The following LMX1B variants were observed in gnomAD, a reference collection of about 807,000 sequenced individuals.
LMX1B encodes LIM homeobox transcription factor 1 beta, also known as LIM homeobox transcription factor 1-beta.
Under a neutral mutation model 51.4 loss-of-function variants are expected in LMX1B, and 12 were observed. The observed-to-expected ratio is 0.23, with a 90% CI of 0.15 to 0.38. LMX1B has a LOEUF of 0.38. LMX1B is among the 10% of genes least tolerant of loss of function. The probability of loss-of-function intolerance (pLI) is 1.00; values close to 1 mark genes in which losing one functional copy is unlikely to be tolerated. For missense variants in LMX1B, 445 were observed against 571.1 expected (o/e 0.78, Z 2.25); for synonymous variants, 237 against 235.4 (o/e 1.01, Z -0.06).
chr9:126,631,596 G>A (rs150918324), intron 2 of LMX1B, among the ~76,000 whole-genome samples: 31 of 152,256 alleles, frequency 2.0e-4, no homozygotes, highest in African/African-American at 7.2e-4. Flanking sequence ...ATAGGGGCGA[G>A]GGCAGAGCTG....
At chr9:126,622,622 A>G (rs975100392) in intron 2 of LMX1B, among the ~76,000 whole-genome samples, 1 of 152,176 alleles carries the variant, frequency 6.6e-6, no homozygotes, top group South Asian at 2.1e-4. Flanking sequence ...CCTGCCTTCC[A>G]AGGGGACTCT....
chr9:126,631,892 G>A (rs976115901), intron 2 of LMX1B, among the ~76,000 whole-genome samples: 6 of 152,238 alleles, frequency 3.9e-5, no homozygotes, highest in Non-Finnish European at 8.8e-5. Context: ...GGTTCCTGCC[G>A]ATTTTGTTAC....
rs771687282 is a variant in LMX1B, at chr9:126,671,784, G to T, written c.327-19052G>T. Reference sequence around the variant, plus strand: ...TTACTCGGGGAGAGTGAGCGAGCCAGCTCCCTCCAGGCCAGGGCAGCGGCC... The same window carrying T: ...TTACTCGGGGAGAGTGAGCGAGCCATCTCCCTCCAGGCCAGGGCAGCGGCC... On this transcript the variant is annotated intron_variant, in intron 2 of 7. Transcript: ENST00000373474. The surrounding 1 kb of genome is among the most constrained non-coding windows in gnomAD (Gnocchi z 4.4). Among the ~76,000 whole-genome samples the T allele has an allele frequency of 1.3e-5, 2 of 152,132 alleles. No homozygotes were observed. The highest frequency in any genetic ancestry group is 2.9e-5 in the Non-Finnish European group (2 of 68,004).
At chr9:126,633,579 G>C (rs1296706978) in intron 2 of LMX1B, among the ~76,000 whole-genome samples, 3 of 152,112 alleles carry the variant, frequency 2.0e-5, no homozygotes, top group Non-Finnish European at 4.4e-5. Context: ...GGGACATGGG[G>C]GCCAGGCTGG....
In LMX1B at chr9:126,700,686, C is replaced by G. The variant is rs943913867; in HGVS notation, c.*4235C>G. 6.6e-6 allele frequency: 1 copy of G among 152,232 alleles called. No individual in the cohort carries two copies. The highest frequency in any genetic ancestry group is 1.5e-5 in the Non-Finnish European group (1 of 68,058). The allele number at this position is 152,232 out of a possible 1,614,324, so 9.4% of individuals were successfully genotyped here. ...GGGGGAGCAGGAAAGACCCCTCCAA[C>G]ATTTGGCCCTTGGAAGGCACCATTG... On this transcript the variant is annotated 3_prime_UTR_variant, in exon 8 of 8. Transcript: ENST00000373474.
intron 2 of LMX1B, among the ~76,000 whole-genome samples, chr9:126,650,127 T>G (rs1835972321): frequency 6.6e-6 from 1 of 152,130 alleles, no homozygotes; most frequent in Admixed American, 6.5e-5. Flanking sequence ...TTCAGCAGCC[T>G]TTTGTCTCTG....
At chr9:126,679,721 C>G (rs909202884) in intron 2 of LMX1B, among the ~76,000 whole-genome samples, 1 of 152,208 alleles carries the variant, frequency 6.6e-6, no homozygotes, top group African/African-American at 2.4e-5. Context: ...ACCTGACCCA[C>G]TATCTTCCTA....
intron 2 of LMX1B, among the ~76,000 whole-genome samples, chr9:126,627,188 C>T (rs1835549875): frequency 6.6e-6 from 1 of 152,142 alleles, no homozygotes; most frequent in South Asian, 2.1e-4. Flanking sequence ...GAGAGACCCC[C>T]CGGTCTCCTC....
chr9:126,692,389 G>C (rs2030162416), intron 3 of LMX1B, among the ~76,000 whole-genome samples: 1 of 152,254 alleles, frequency 6.6e-6, no homozygotes, highest in African/African-American at 2.4e-5. Flanking sequence ...TCCATCTGGG[G>C]CTGCTGGCAT....
At chr9:126,682,820 A>G (rs142907147) in intron 2 of LMX1B, among the ~76,000 whole-genome samples, 3,457 of 142,430 alleles carry the variant, frequency 0.024, 103 homozygotes, top group African/African-American at 0.07. Context: ...GCTTGAACCC[A>G]GGAGGCGGAG....
chr9:126,620,653 G>C (rs1270921440), intron 2 of LMX1B, among the ~76,000 whole-genome samples: 1 of 151,976 alleles, frequency 6.6e-6, no homozygotes, highest in Non-Finnish European at 1.5e-5. Flanking sequence ...ACGGAGGGTG[G>C]CCGGGTGTCC....
rs1466954781 is a variant in LMX1B, at chr9:126,677,040, G to A, written c.327-13796G>A. Among the ~76,000 whole-genome samples, 1 of 152,210 alleles carries A rather than the reference G, an allele frequency of 6.6e-6. No homozygotes were observed. Among genetic ancestry groups the A allele is most frequent in the Non-Finnish European group, 1.5e-5 (1 of 68,034 alleles). The stretch of plus-strand genomic sequence containing the variant: ...TAAGCGGCTCAGGCAGGCAGCGGGC[G>A]GCTGGGGCGGGGCATGGGGCGATCA... On this transcript the variant is annotated intron_variant, in intron 2 of 7. Coordinates refer to ENST00000373474, the MANE Select transcript of LMX1B (RefSeq NM_001174147.2). The surrounding 1 kb of genome is among the most constrained non-coding windows in gnomAD (Gnocchi z 5.0).
chr9:126,693,481 C>A (rs1433109698), intron 4 of LMX1B, 43 bp from the exon 5 acceptor site: 3 of 1,602,790 alleles, frequency 1.9e-6, no homozygotes, highest in Non-Finnish European at 2.6e-6. Context: ...CTCCCCGTTG[C>A]TGCCCCTGGA....
chr9:126,654,671 G>A (rs1306953548), intron 2 of LMX1B, among the ~76,000 whole-genome samples: 1 of 152,214 alleles, frequency 6.6e-6, no homozygotes, highest in East Asian at 1.9e-4. Flanking sequence ...CACTGCCGAG[G>A]TCTGAGCACC....
At chr9:126,676,921 G>T (rs1167915607) in intron 2 of LMX1B, among the ~76,000 whole-genome samples, 3 of 152,202 alleles carry the variant, frequency 2.0e-5, no homozygotes, top group Admixed American at 6.5e-5. Context: ...CTCAATAATC[G>T]CTCTTCTCTG....
chr9:126,690,810 A>G, intron 2 of LMX1B, 26 bp from the exon 3 acceptor site: 1 of 1,580,170 alleles, frequency 6.3e-7, no homozygotes, highest in African/African-American at 1.3e-5. Context: ...GAGCACCGCC[A>G]ACACGCCCGC....
At chr9:126,631,151 G>A (rs1157485105) in intron 2 of LMX1B, among the ~76,000 whole-genome samples, 3 of 152,372 alleles carry the variant, frequency 2.0e-5, no homozygotes, top group South Asian at 4.1e-4. Context: ...GATGGAGCTG[G>A]CCGCCCACTG....
chr9:126,630,841 G>A (rs937612675), intron 2 of LMX1B, among the ~76,000 whole-genome samples: 2 of 152,254 alleles, frequency 1.3e-5, no homozygotes, highest in African/African-American at 2.4e-5. Context: ...GGATGGGAGC[G>A]TGGCCAGCCC....
At chr9:126,643,490 C>T (rs1377426328) in intron 2 of LMX1B, among the ~76,000 whole-genome samples, 1 of 152,176 alleles carries the variant, frequency 6.6e-6, no homozygotes, top group Non-Finnish European at 1.5e-5. Flanking sequence ...AACTGGGGAG[C>T]ACAATCTGTA....
Sources: gnomAD v4.1 joint callset for allele counts (sites outside exome capture counted in the v4.1 genomes callset) on GRCh38, gnomAD v4.1.1 for gene constraint, Gnocchi (gnomAD v3.1) non-coding constraint, MANE v1.5 for transcripts, NCBI Gene and HGNC (gene_info 2026-07-23, HGNC 2026-07-21) for gene names.